CD6: variants seen among roughly 807,000 people sequenced by gnomAD.
The protein encoded by CD6 is T-cell differentiation antigen CD6.
Under a neutral mutation model 75.3 loss-of-function variants are expected in CD6, and 53 were observed. The observed-to-expected ratio is 0.70, with a 90% CI of 0.56 to 0.88. CD6 has a LOEUF of 0.88. Among genes scored for constraint, CD6 ranks in the 40% least tolerant of loss-of-function variants. The pLI is 0.00. For missense variants in CD6, 770 were observed against 897.1 expected (o/e 0.86, Z 1.81); for synonymous variants, 359 against 381.5 (o/e 0.94, Z 0.69).
chr11:61,016,515 A>T (rs1859412500), intron 9 of CD6, among the ~76,000 whole-genome samples: 2 of 152,148 alleles, frequency 1.3e-5, no homozygotes, highest in Admixed American at 1.3e-4. Flanking sequence ...GTGTCTTGAG[A>T]GGTTGGCAGG....
chr11:61,017,446 T>C, intron 9 of CD6, 33 bp from the exon 10 acceptor site: 2 of 1,520,026 alleles, frequency 1.3e-6, no homozygotes, highest in Non-Finnish European at 1.8e-6. Flanking sequence ...AGGTTGAGCC[T>C]TCACCCCTCC....
intron 1 of CD6, among the ~76,000 whole-genome samples, chr11:61,003,741 A>G (rs1179355861): frequency 1.3e-5 from 2 of 152,150 alleles, no homozygotes; most frequent in Non-Finnish European, 2.9e-5. Context: ...CTCAAAACAA[A>G]AAAGGTGATA....
chr11:61,018,172 T>G, intron 11 of CD6, 117 bp from the exon 12 acceptor site: 1 of 1,291,458 alleles, frequency 7.7e-7, no homozygotes, highest in South Asian at 1.4e-5. Context: ...GGGCCTTCAC[T>G]TTGTCATTTG....
chr11:60,992,159 G>A (rs1210772179), intron 1 of CD6, among the ~76,000 whole-genome samples: 1 of 151,802 alleles, frequency 6.6e-6, no homozygotes, highest in Non-Finnish European at 1.5e-5. Flanking sequence ...GGATTACAGC[G>A]TGAGCCACAG....
At chr11:60,986,689 C>T (rs928042520) in intron 1 of CD6, among the ~76,000 whole-genome samples, 19 of 152,182 alleles carry the variant, frequency 1.2e-4, no homozygotes, top group African/African-American at 2.7e-4. Context: ...TTCCTTCCCC[C>T]GCTCTCAACG....
At position 60,971,819 on chromosome 11, in the gene CD6, T is replaced by A; in HGVS notation, c.-47T>A. ...TGTCCACCTCCCGGCCCCAAGATGG[T>A]GCTTCCCACAGGCAGCCACGCGTAG... is the stretch of plus-strand genomic sequence containing the variant. On this transcript the variant is annotated 5_prime_UTR_variant, in exon 1 of 13. Transcript: ENST00000313421. 1 of 1,603,820 alleles carries A rather than the reference T, an allele frequency of 6.2e-7. No individual in the cohort carries two copies. Among genetic ancestry groups the A allele is most frequent in the Non-Finnish European group, 8.5e-7 (1 of 1,173,854 alleles).
chr11:61,007,460 C>A lies in CD6; in HGVS notation c.119-100C>A. On this transcript the variant is annotated intron_variant, in intron 2 of 12. Coordinates refer to ENST00000313421, the MANE Select transcript of CD6 (RefSeq NM_006725.5). This position sits in a 1 kb window ranked among gnomAD's most constrained non-coding sequence, Gnocchi z 4.2. ...TGGAAAGCTGAGACCCCTAGCCAGG[C>A]AGGGCGTTGTCAAAGTTCACGCACA... 2 of 947,514 alleles carry A rather than the reference C, an allele frequency of 2.1e-6. No individual in the cohort carries two copies. Among genetic ancestry groups the A allele is most frequent in the Non-Finnish European group, 2.9e-6 (2 of 689,214 alleles). 58.7% of individuals were successfully genotyped at this position (947,514 alleles called of 1,614,324 possible).
chr11:61,006,046 A>G (rs1225276144), intron 1 of CD6, among the ~76,000 whole-genome samples: 1 of 152,248 alleles, frequency 6.6e-6, no homozygotes, highest in Non-Finnish European at 1.5e-5. Flanking sequence ...TTTGCAATCC[A>G]GTGGTTCCCA....
chr11:61,016,432 GC>G (rs1859409251), intron 9 of CD6, among the ~76,000 whole-genome samples: 1 of 152,226 alleles, frequency 6.6e-6, no homozygotes, highest in Non-Finnish European at 1.5e-5. Flanking sequence ...AAATTCCTGA[GC>G]CCCTCCCCAC....
chr11:61,002,928 A>G (rs1858660661), intron 1 of CD6, among the ~76,000 whole-genome samples: 1 of 151,424 alleles, frequency 6.6e-6, no homozygotes, highest in South Asian at 2.1e-4. Context: ...CCGTTCATGA[A>G]GGCAGACTCC....
At chr11:61,003,935 G>A (rs1213396232) in intron 1 of CD6, among the ~76,000 whole-genome samples, 1 of 152,022 alleles carries the variant, frequency 6.6e-6, no homozygotes, top group African/African-American at 2.4e-5. Flanking sequence ...AAGCCCTCGA[G>A]GTTATCCGCT....
In CD6 at chr11:61,013,490, C is replaced by T. The variant is rs764957423; in HGVS notation, c.1218C>T (p.Ile406=). Residue 406 remains isoleucine, a synonymous_variant, in exon 7 of 13, where the codon ATC becomes ATT. Transcript: ENST00000313421. ...AGCTAATGCTCCTCATCCCCTCCAT[C>T]GTTCTGGGAATTCTCCTCCTTGGCT... ...SRELMLLIPS[I]VLGILLLGSL... is the part of the protein sequence containing the mutation. 21 of 1,613,814 alleles carry T rather than the reference C, an allele frequency of 1.3e-5. No individual in the cohort carries two copies. The highest frequency in any genetic ancestry group is 1.7e-5 in the Admixed American group (1 of 60,004).
In CD6 at chr11:61,017,778, C is replaced by T; in HGVS notation, c.1602C>T (p.Ala534=). The T allele has an allele frequency of 6.2e-7, 1 of 1,614,096 alleles. No individual in the cohort carries two copies. The highest frequency in any genetic ancestry group is 8.5e-7 in the Non-Finnish European group (1 of 1,180,014). ...PLEEGLEELH[A]SHIPTANPGH... ...CCTTAGGACTTGAAGAGTTGCATGC[C>T]TCCCACATCCCAACTGCCAACCCTG... is the stretch of plus-strand genomic sequence containing the variant. Residue 534 remains alanine (A), a synonymous_variant, in exon 11 of 13, where the codon GCC becomes GCT. Transcript: ENST00000313421.
chr11:60,996,342 T>C (rs1858292213), intron 1 of CD6, among the ~76,000 whole-genome samples: 1 of 152,168 alleles, frequency 6.6e-6, no homozygotes, highest in Non-Finnish European at 1.5e-5. Context: ...GGACCCCAGA[T>C]GCCCGAGATA....
At chr11:60,980,615 G>A (rs1857524399) in intron 1 of CD6, among the ~76,000 whole-genome samples, 1 of 152,206 alleles carries the variant, frequency 6.6e-6, no homozygotes, top group African/African-American at 2.4e-5. Context: ...GATCACTTGA[G>A]GTCAGGAGTC....
At position 61,007,849 on chromosome 11, in the gene CD6, C is replaced by T; in HGVS notation, c.408C>T (p.Leu136=). ...TGTGCAGCGGCGCCGAGTGGCGGCTCTGCGAGGTGGTGGAGCACGCGTGCC... is the reference window on the plus strand; with the variant it reads ...TGTGCAGCGGCGCCGAGTGGCGGCTTTGCGAGGTGGTGGAGCACGCGTGCC... ...ALLCSGAEWR[L]CEVVEHACRS... is the part of the protein sequence containing the mutation. The change falls in exon 3 of 13, where the codon CTC becomes CTT. Residue 136 remains leucine, a synonymous_variant. Coordinates refer to ENST00000313421, the MANE Select transcript of CD6 (RefSeq NM_006725.5). This position sits in a 1 kb window ranked among gnomAD's most constrained non-coding sequence, Gnocchi z 4.2. 4 of 1,413,086 alleles carry T rather than the reference C, an allele frequency of 2.8e-6. No homozygotes were observed. Among genetic ancestry groups the T allele is most frequent in the Non-Finnish European group, 3.7e-6 (4 of 1,089,124 alleles). The allele number at this position is 1,413,086 out of a possible 1,614,324, so 87.5% of individuals were successfully genotyped here.
At chr11:60,981,467 C>T (rs3019548) in intron 1 of CD6, among the ~76,000 whole-genome samples, 97,164 of 152,090 alleles carry the variant, frequency 0.64, 33,370 homozygotes, top group East Asian at 0.9. Context: ...TCAGCTGGGC[C>T]GTCATGGAAC....
intron 1 of CD6, among the ~76,000 whole-genome samples, chr11:61,001,754 C>T (rs1858596369): frequency 6.6e-6 from 1 of 152,166 alleles, no homozygotes; most frequent in Non-Finnish European, 1.5e-5. Context: ...CTGTGTCCCA[C>T]GACCAGCTGC....
chr11:60,990,727 A>C (rs536415500), intron 1 of CD6, among the ~76,000 whole-genome samples: 4 of 130,834 alleles, frequency 3.1e-5, no homozygotes, highest in Non-Finnish European at 6.9e-5. Context: ...TTATACTCCT[A>C]TTACACAAAA....
Sources: gnomAD v4.1 joint callset for allele counts (sites outside exome capture counted in the v4.1 genomes callset) on GRCh38, gnomAD v4.1.1 for gene constraint, Gnocchi (gnomAD v3.1) non-coding constraint, MANE v1.5 for transcripts, NCBI Gene and HGNC (gene_info 2026-07-23, HGNC 2026-07-21) for gene names.